UNC5C: variants seen among roughly 807,000 people sequenced by gnomAD.
UNC5C encodes netrin receptor UNC5C.
In UNC5C, 47 loss-of-function variants were observed where a neutral mutation model predicts 99.8. The observed-to-expected ratio is 0.47, with a 90% CI of 0.37 to 0.60. UNC5C has a LOEUF of 0.60. Among genes scored for constraint, UNC5C ranks in the 20% least tolerant of loss-of-function variants. The pLI, the probability that UNC5C is intolerant of heterozygous loss-of-function variation, is 0.00. For synonymous variants in UNC5C, 487 were observed against 452.2 expected (o/e 1.08, Z -0.98); for missense variants, 1,062 against 1,165.9 (o/e 0.91, Z 1.30).
At chr4:95,488,456 A>T (rs1006112754) in intron 1 of UNC5C, among the ~76,000 whole-genome samples, 4 of 151,816 alleles carry the variant, frequency 2.6e-5, no homozygotes, top group East Asian at 1.9e-4. Flanking sequence ...TTTCCTTAAG[A>T]TAAAACAAAG....
chr4:95,410,710 G>C (rs1217799595), intron 1 of UNC5C, among the ~76,000 whole-genome samples: 1 of 152,126 alleles, frequency 6.6e-6, no homozygotes, highest in South Asian at 2.1e-4. Flanking sequence ...AGATCTGGGG[G>C]CATCACATTC....
chr4:95,449,639 A>G (rs1747224705), intron 1 of UNC5C, among the ~76,000 whole-genome samples: 1 of 152,190 alleles, frequency 6.6e-6, no homozygotes, highest in African/African-American at 2.4e-5. Context: ...TAGTCAGAAA[A>G]TAGAAGCTTG....
At chr4:95,536,433 G>A (rs1722785040) in intron 1 of UNC5C, among the ~76,000 whole-genome samples, 1 of 152,028 alleles carries the variant, frequency 6.6e-6, no homozygotes, top group Non-Finnish European at 1.5e-5. Flanking sequence ...CACTTTTAAA[G>A]TTATCCATGA....
intron 1 of UNC5C, among the ~76,000 whole-genome samples, chr4:95,350,858 G>GT (rs1743963960): frequency 6.6e-6 from 1 of 152,108 alleles, no homozygotes; most frequent in African/African-American, 2.4e-5. Context: ...AGGTGTTTCT[G>GT]TGAAGGTATT....
At position 95,210,836 on chromosome 4, in the gene UNC5C, C is replaced by A. The variant is rs201558738; in HGVS notation, c.1734-4040G>T. 1.6e-4 allele frequency among the ~76,000 whole-genome samples: 25 copies of A among 152,280 alleles called. No individual in the cohort carries two copies. The East Asian group carries it at 4.1e-3, about 25-fold the overall frequency. On this transcript the variant is annotated intron_variant, in intron 10 of 15. Coordinates refer to ENST00000453304, the MANE Select transcript of UNC5C (RefSeq NM_003728.4). Reference sequence around the variant, plus strand: ...TGCTTGTCATTATCAGTGAGGAGAACTTCTAATCAAGAGTGCATAATTTAC... The same window carrying A: ...TGCTTGTCATTATCAGTGAGGAGAAATTCTAATCAAGAGTGCATAATTTAC...
rs536897715 is a variant in UNC5C at position 95,436,410 on chromosome 4, A to G, written c.125-100779T>C. Among the ~76,000 whole-genome samples the G allele has an allele frequency of 1.2e-4, 18 of 152,180 alleles. No homozygotes were observed. In the East Asian group the frequency reaches 3.5e-3, roughly 29 times the overall value. On this transcript the variant is annotated intron_variant, in intron 1 of 15. Coordinates refer to ENST00000453304, the MANE Select transcript of UNC5C (RefSeq NM_003728.4). ...AGGAAAAAGAGTAAAAACAAAACTC[A>G]TAATTACTAAATTAAAGACAAATTG...
At chr4:95,221,668 T>A (rs1454200332) in intron 7 of UNC5C, among the ~76,000 whole-genome samples, 1 of 152,196 alleles carries the variant, frequency 6.6e-6, no homozygotes, top group African/African-American at 2.4e-5. Context: ...ATCAATCAAG[T>A]CAATGTTAGC....
chr4:95,486,977 C>T (rs1164345812), intron 1 of UNC5C, among the ~76,000 whole-genome samples: 2 of 151,702 alleles, frequency 1.3e-5, no homozygotes, highest in African/African-American at 2.4e-5. Context: ...GGGCTTGAGA[C>T]CACACATTCA....
chr4:95,476,613 T>A (rs905872680), intron 1 of UNC5C, among the ~76,000 whole-genome samples: 1 of 152,126 alleles, frequency 6.6e-6, no homozygotes, highest in African/African-American at 2.4e-5. Flanking sequence ...CAAAATATTG[T>A]TCGTTCTGTT....
chr4:95,422,117 T>C (rs2149456586), intron 1 of UNC5C, among the ~76,000 whole-genome samples: 1 of 152,320 alleles, frequency 6.6e-6, no homozygotes, highest in African/African-American at 2.4e-5. Flanking sequence ...CAGCAACAGC[T>C]TCCCAGCTGA....
intron 7 of UNC5C, among the ~76,000 whole-genome samples, chr4:95,236,509 C>T (rs568256244): frequency 2.7e-5 from 4 of 150,824 alleles, no homozygotes; most frequent in African/African-American, 7.3e-5. Context: ...GTGCAGCACA[C>T]GAACGTGGCA....
At chr4:95,297,038 GT>G (rs1053791067) in intron 3 of UNC5C, among the ~76,000 whole-genome samples, 3 of 152,144 alleles carry the variant, frequency 2.0e-5, no homozygotes, top group Non-Finnish European at 4.4e-5. Context: ...TGCTGGTGGG[GT>G]AGGGAGTAAA....
chr4:95,201,611 T>TC (rs1737660374), intron 12 of UNC5C, among the ~76,000 whole-genome samples: 1 of 139,660 alleles, frequency 7.2e-6, no homozygotes, highest in Admixed American at 7.0e-5. Flanking sequence ...AGAGTCTTCT[T>TC]TTTTTTTTTT....
At chr4:95,277,386 G>A (rs1740901658) in intron 4 of UNC5C, among the ~76,000 whole-genome samples, 2 of 152,176 alleles carry the variant, frequency 1.3e-5, no homozygotes, top group South Asian at 4.1e-4. Context: ...GCTTGGACTT[G>A]TAGGACACGG....
chr4:95,226,898 G>A (rs563906372), intron 7 of UNC5C, among the ~76,000 whole-genome samples: 293 of 152,174 alleles, frequency 1.9e-3, no homozygotes, highest in Non-Finnish European at 3.4e-3. Flanking sequence ...GATATTGAAT[G>A]TCCTGCAATG....
intron 2 of UNC5C, among the ~76,000 whole-genome samples, chr4:95,318,186 C>T (rs1742552768): frequency 1.3e-5 from 2 of 151,832 alleles, no homozygotes; most frequent in South Asian, 4.2e-4. Context: ...CCAGGTGAGC[C>T]CAGAATCCAA....
intron 1 of UNC5C, among the ~76,000 whole-genome samples, chr4:95,381,671 T>A (rs533637815): frequency 6.6e-6 from 1 of 152,314 alleles, no homozygotes; most frequent in African/African-American, 2.4e-5. Flanking sequence ...TGTGTCTAAA[T>A]TTTGAGTGCT....
At chr4:95,428,761 T>C in intron 1 of UNC5C, among the ~76,000 whole-genome samples, 1 of 152,188 alleles carries the variant, frequency 6.6e-6, no homozygotes, top group East Asian at 1.9e-4. Context: ...CTGAGCAGAC[T>C]ACTTTTTTGC....
chr4:95,364,375 G>A (rs1055225553), intron 1 of UNC5C, among the ~76,000 whole-genome samples: 1 of 152,140 alleles, frequency 6.6e-6, no homozygotes, highest in African/African-American at 2.4e-5. Flanking sequence ...TATTGATATG[G>A]GGACAATTTG....
Sources: allele counts gnomAD v4.1 joint callset (sites outside exome capture counted in the v4.1 genomes callset), GRCh38; gene constraint gnomAD v4.1.1; transcripts MANE v1.5; gene names NCBI Gene and HGNC (gene_info 2026-07-23, HGNC 2026-07-21).